The following MGAT5 variants were observed in gnomAD, a reference collection of about 807,000 sequenced individuals.
The protein encoded by MGAT5 is alpha-1,6-mannosylglycoprotein 6-beta-N-acetylglucosaminyltransferase, also known as alpha-1,6-mannosylglycoprotein 6-beta-N-acetylglucosaminyltransferase A.
In MGAT5, 30 loss-of-function variants were observed where a neutral mutation model predicts 94.3. The observed-to-expected ratio is 0.32, with a 90% CI of 0.24 to 0.43. MGAT5 has a LOEUF of 0.43. Among genes scored for constraint, MGAT5 ranks in the 20% least tolerant of loss-of-function variants. MGAT5 has a pLI of 1.00. For synonymous variants in MGAT5, 310 were observed against 322.9 expected, an observed-to-expected ratio of 0.96 and a Z score of 0.43; for missense variants, 691 against 905.5, an observed-to-expected ratio of 0.76 and a Z score of 3.04.
At chr2:134,356,912 C>T (rs1214695355) in intron 9 of MGAT5, among the ~76,000 whole-genome samples, 3 of 152,182 alleles carry the variant, frequency 2.0e-5, no homozygotes, top group Non-Finnish European at 2.9e-5. Context: ...GCAACTCCTT[C>T]CTTCCCCAAC....
At chr2:134,286,633 T>G (rs1685022917) in intron 2 of MGAT5, among the ~76,000 whole-genome samples, 1 of 152,116 alleles carries the variant, frequency 6.6e-6, no homozygotes, top group African/African-American at 2.4e-5. Flanking sequence ...TTGGCCAGGC[T>G]AGTCTTGAAC....
upstream of MGAT5, chr2:134,120,019 G>C (rs918629483): frequency 6.5e-6 from 1 of 152,734 alleles, no homozygotes; most frequent in African/African-American, 2.4e-5. Flanking sequence ...CTCCCGCCCT[G>C]GTCGACTGAG....
intron 1 of MGAT5, among the ~76,000 whole-genome samples, chr2:134,238,613 C>G (rs4954119): frequency 0.58 from 88,265 of 152,136 alleles, 29,179 homozygotes; most frequent in Non-Finnish European, 0.75. Context: ...GATGCTTCCA[C>G]GCAGTTCTGA....
intron 14 of MGAT5, among the ~76,000 whole-genome samples, chr2:134,430,981 G>A (rs1302321091): frequency 1.3e-5 from 2 of 152,196 alleles, no homozygotes; most frequent in Non-Finnish European, 2.9e-5. Context: ...AGGGAGGACG[G>A]GGGAGAAATG....
At chr2:134,341,487 G>T in intron 6 of MGAT5, 103 bp from the exon 7 acceptor site, 13 of 922,832 alleles carry the variant, frequency 1.4e-5, no homozygotes, top group Non-Finnish European at 2.1e-5. Context: ...ATTTTGTTAG[G>T]ATGTAAACAT....
chr2:134,357,381 C>T (rs1471585622), intron 9 of MGAT5, among the ~76,000 whole-genome samples: 1 of 152,188 alleles, frequency 6.6e-6, no homozygotes, highest in Non-Finnish European at 1.5e-5. Flanking sequence ...GGCTCACAGC[C>T]ATTTTTATTT....
intron 10 of MGAT5, among the ~76,000 whole-genome samples, chr2:134,376,845 T>G (rs1297221570): frequency 6.6e-6 from 1 of 152,152 alleles, no homozygotes; most frequent in Non-Finnish European, 1.5e-5. Context: ...CGGTACTCAT[T>G]TAGCAGCCAG....
In MGAT5 at chr2:134,351,880, G is replaced by A. The variant is rs115360769; in HGVS notation, c.1246+1942G>A. On this transcript the variant is annotated intron_variant, in intron 9 of 15. Coordinates refer to ENST00000281923, the MANE Select transcript of MGAT5 (RefSeq NM_002410.5). ...AGAAGAAAAAGTTCCATGTTCCAAC[G>A]GAAAAATGGGAAAAGGCTATTAACA... Among the ~76,000 whole-genome samples, 1,277 of 152,106 alleles carry A rather than the reference G, an allele frequency of 8.4e-3. 28 individuals are homozygous for A. Among genetic ancestry groups the A allele is most frequent in the African/African-American group, 0.029 (1,222 of 41,468 alleles).
chr2:134,268,239 G>A lies in MGAT5; in HGVS notation c.242-2147G>A, dbSNP rs753879749. Among the ~76,000 whole-genome samples the A allele has an allele frequency of 1.3e-5, 2 of 152,198 alleles. No individual in the cohort carries two copies. Among genetic ancestry groups the A allele is most frequent in the African/African-American group, 2.4e-5 (1 of 41,440 alleles). ...CTGTGCTTGGCCAACTACAATTACCGGTGATAGTTAAATGCTATTCTAGAT... is the reference window on the plus strand; with the variant it reads ...CTGTGCTTGGCCAACTACAATTACCAGTGATAGTTAAATGCTATTCTAGAT... On this transcript the variant is annotated intron_variant, in intron 1 of 15. Coordinates refer to ENST00000281923, the MANE Select transcript of MGAT5 (RefSeq NM_002410.5). The surrounding 1 kb of genome is among the most constrained non-coding windows in gnomAD (Gnocchi z 4.1).
chr2:134,131,421 G>A (rs1040922226), intron 1 of MGAT5, among the ~76,000 whole-genome samples: 1 of 152,144 alleles, frequency 6.6e-6, no homozygotes. Context: ...CCCGAAATTA[G>A]TATTCTTTTC....
intron 13 of MGAT5, among the ~76,000 whole-genome samples, chr2:134,425,901 T>G (rs1684561782): frequency 6.6e-6 from 1 of 151,956 alleles, no homozygotes; most frequent in Non-Finnish European, 1.5e-5. Context: ...GTCCTTTTTT[T>G]TTTTTTTTAA....
At chr2:134,400,404 T>G (rs1236449058) in intron 10 of MGAT5, among the ~76,000 whole-genome samples, 5 of 152,206 alleles carry the variant, frequency 3.3e-5, no homozygotes, top group Non-Finnish European at 7.4e-5. Context: ...GGTAAATCCT[T>G]TCTGAAGGTA....
At chr2:134,213,602 C>T (rs1680316111) in intron 1 of MGAT5, among the ~76,000 whole-genome samples, 1 of 152,206 alleles carries the variant, frequency 6.6e-6, no homozygotes, top group Non-Finnish European at 1.5e-5. Context: ...GTTACCTGTA[C>T]TTCTGACCAA....
Position 134,312,070 on chromosome 2 carries a change from C to T in MGAT5, c.407-5459C>T, listed in dbSNP as rs142818225. On this transcript the variant is annotated intron_variant, in intron 2 of 15. Transcript: ENST00000281923. ...TTCGAGACCAGCCTGGCCAACATGG[C>T]GAAACCACATTTCTACTAAAAATGC... Among the ~76,000 whole-genome samples, 16 of 152,122 alleles carry T rather than the reference C, an allele frequency of 1.1e-4. No individual in the cohort carries two copies. In the East Asian group the frequency reaches 2.9e-3, roughly 28 times the overall value.
At chr2:134,325,508 A>G (rs1394419359) in intron 4 of MGAT5, among the ~76,000 whole-genome samples, 2 of 152,082 alleles carry the variant, frequency 1.3e-5, no homozygotes, top group African/African-American at 4.8e-5. Flanking sequence ...CCTCTGCTTC[A>G]TTATTTTAGG....
At chr2:134,316,563 C>A (rs1378594674) in intron 2 of MGAT5, among the ~76,000 whole-genome samples, 1 of 152,112 alleles carries the variant, frequency 6.6e-6, no homozygotes, top group African/African-American at 2.4e-5. Context: ...CCGTAAGCTT[C>A]ATTTAATTTT....
chr2:134,321,764 A>G (rs983958078), intron 4 of MGAT5, among the ~76,000 whole-genome samples: 1 of 152,210 alleles, frequency 6.6e-6, no homozygotes, highest in African/African-American at 2.4e-5. Flanking sequence ...ATTGTCAACA[A>G]TTAATGAAAA....
chr2:134,279,706 C>A, intron 2 of MGAT5, among the ~76,000 whole-genome samples: 1 of 152,146 alleles, frequency 6.6e-6, no homozygotes, highest in Non-Finnish European at 1.5e-5. Flanking sequence ...TGAAATTAGA[C>A]TTGTTTGTTT....
chr2:134,239,431 C>T (rs1046324462), intron 1 of MGAT5, among the ~76,000 whole-genome samples: 2 of 152,282 alleles, frequency 1.3e-5, no homozygotes, highest in Admixed American at 1.3e-4. Flanking sequence ...AGAATAGAAC[C>T]AAAGGTTACC....
Sources: gnomAD v4.1 joint callset for allele counts (sites outside exome capture counted in the v4.1 genomes callset) on GRCh38, gnomAD v4.1.1 for gene constraint, Gnocchi (gnomAD v3.1) non-coding constraint, MANE v1.5 for transcripts, NCBI Gene and HGNC (gene_info 2026-07-23, HGNC 2026-07-21) for gene names.